The following OLFM2 variants were observed in gnomAD, a reference collection of about 807,000 sequenced individuals.
OLFM2 encodes olfactomedin 2.
OLFM2 carries 20 observed loss-of-function variants against 43.9 expected under a neutral mutation model. The observed-to-expected ratio is 0.46, with a 90% CI of 0.32 to 0.66. The LOEUF is 0.66. OLFM2 is among the 30% of genes least tolerant of loss of function. The probability of loss-of-function intolerance (pLI) is 0.04; values close to 1 mark genes in which losing one functional copy is unlikely to be tolerated. For synonymous variants in OLFM2, 268 were observed against 278.6 expected, an observed-to-expected ratio of 0.96 and a Z score of 0.38; for missense variants, 416 against 643.6, an observed-to-expected ratio of 0.65 and a Z score of 3.83.
At chr19:9,926,578 G>A (rs2086454816) in intron 1 of OLFM2, among the ~76,000 whole-genome samples, 1 of 146,214 alleles carries the variant, frequency 6.8e-6, no homozygotes, top group Admixed American at 6.6e-5. Flanking sequence ...ATAAATAAAT[G>A]ACTAAAGTGA....
chr19:9,913,654 G>A, intron 1 of OLFM2: 1 of 1,198,884 alleles, frequency 8.3e-7, no homozygotes, highest in Non-Finnish European at 1.0e-6. Context: ...CGCCCGCCGC[G>A]CGTCCCTTCT....
At chr19:9,887,678 T>C (rs1411385034) in intron 1 of OLFM2, among the ~76,000 whole-genome samples, 1 of 151,950 alleles carries the variant, frequency 6.6e-6, no homozygotes, top group Admixed American at 6.6e-5. Flanking sequence ...AGAGCACCTG[T>C]GAACACATGA....
intron 1 of OLFM2, among the ~76,000 whole-genome samples, chr19:9,865,270 T>C (rs1327302273): frequency 6.6e-6 from 1 of 151,288 alleles, no homozygotes; most frequent in African/African-American, 2.4e-5. Flanking sequence ...GCTTAAATAG[T>C]GATTCCTCCC....
chr19:9,913,592 C>T, intron 1 of OLFM2: 1 of 1,305,980 alleles, frequency 7.7e-7, no homozygotes, highest in South Asian at 1.8e-5. Context: ...CAGCACGGCC[C>T]CGATCTTGAG....
intron 1 of OLFM2, among the ~76,000 whole-genome samples, chr19:9,888,073 C>T (rs1397198896): frequency 6.6e-6 from 1 of 152,100 alleles, no homozygotes; most frequent in African/African-American, 2.4e-5. Context: ...CACTTCCTTC[C>T]ACTCTCCCTC....
At chr19:9,865,494 T>C (rs1193766823) in intron 1 of OLFM2, among the ~76,000 whole-genome samples, 1 of 131,262 alleles carries the variant, frequency 7.6e-6, no homozygotes, top group Admixed American at 7.5e-5. Flanking sequence ...TCTTTTTTTT[T>C]TTTTTTTTTT....
intron 1 of OLFM2, among the ~76,000 whole-genome samples, chr19:9,919,978 T>G (rs1223663406): frequency 6.7e-6 from 1 of 150,112 alleles, no homozygotes; most frequent in East Asian, 2.0e-4. Flanking sequence ...TATTTTTTTT[T>G]TTTTTTAGTA....
chr19:9,924,680 T>C (rs1181518879), intron 1 of OLFM2, among the ~76,000 whole-genome samples: 1 of 152,114 alleles, frequency 6.6e-6, no homozygotes, highest in African/African-American at 2.4e-5. Flanking sequence ...GCCAAGCTTT[T>C]CATATTTTTG....
intron 1 of OLFM2, among the ~76,000 whole-genome samples, chr19:9,883,575 G>A (rs1185200172): frequency 6.6e-6 from 1 of 152,122 alleles, no homozygotes; most frequent in African/African-American, 2.4e-5. Flanking sequence ...AGGGCTGGGA[G>A]TGGAGCCAGA....
At chr19:9,894,138 C>T (rs1361692002) in intron 1 of OLFM2, among the ~76,000 whole-genome samples, 4 of 151,952 alleles carry the variant, frequency 2.6e-5, no homozygotes, top group African/African-American at 9.7e-5. Context: ...ACTAAAAATA[C>T]AAAAATTAGC....
At chr19:9,886,492 C>T (rs2046588106) in intron 1 of OLFM2, among the ~76,000 whole-genome samples, 1 of 151,894 alleles carries the variant, frequency 6.6e-6, no homozygotes, top group Non-Finnish European at 1.5e-5. Context: ...CCGCACTGGG[C>T]CCTAAGAGGG....
intron 1 of OLFM2, among the ~76,000 whole-genome samples, chr19:9,877,080 T>A (rs12973323): frequency 0.92 from 140,001 of 151,620 alleles, 65,353 homozygotes; most frequent in Non-Finnish European, 1. Flanking sequence ...AAATACAAAA[T>A]TTAGCTGGGC....
Position 9,857,073 on chromosome 19 carries a change from G to A in OLFM2, c.581-160C>T, listed in dbSNP as rs1044748939. ...ATATGTTGTTCAGTTGTGAGTGAGG[G>A]GTTAGAGGCCAAGGGTCAGGGCCAT... On this transcript the variant is annotated intron_variant, in intron 4 of 5. Coordinates refer to ENST00000264833, the MANE Select transcript of OLFM2 (RefSeq NM_058164.4). This position sits in a 1 kb window ranked among gnomAD's most constrained non-coding sequence, Gnocchi z 5.7. 13 of 804,242 alleles carry A rather than the reference G, an allele frequency of 1.6e-5. No homozygotes were observed. The highest frequency in any genetic ancestry group is 2.5e-5 in the Non-Finnish European group (12 of 487,330). 49.8% of individuals were successfully genotyped at this position (804,242 alleles called of 1,614,324 possible).
At chr19:9,932,403 C>T (rs574428008) in intron 1 of OLFM2, among the ~76,000 whole-genome samples, 29 of 148,370 alleles carry the variant, frequency 2.0e-4, no homozygotes, top group African/African-American at 6.2e-4. Flanking sequence ...TGCAGTGAGC[C>T]GAGATTGCGC....
chr19:9,913,751 CA>C (rs1475498952), intron 1 of OLFM2: 3 of 884,574 alleles, frequency 3.4e-6, no homozygotes, highest in East Asian at 1.9e-4. Context: ...AGCTGCGGGG[CA>C]GGGGGTCCGG....
rs1307561746 is a variant in OLFM2, at chr19:9,854,750, C to T, written c.801G>A (p.Ala267=). The change falls in exon 6 of 6, where the codon GCG becomes GCA. Residue 267 remains alanine (A), a synonymous_variant. Transcript: ENST00000264833. This position sits in a 1 kb window ranked among gnomAD's most constrained non-coding sequence, Gnocchi z 9.5. ...FIQHLLPQPW[A]GTGHVVYNGS... ...CGTTGTACACCACGTGGCCCGTGCC[C>T]GCCCACGGCTGGGGCAGCAGGTGCT... 15 of 1,613,684 alleles carry T rather than the reference C, an allele frequency of 9.3e-6. No individual in the cohort carries two copies. Among genetic ancestry groups the T allele is most frequent in the African/African-American group, 2.7e-5 (2 of 74,928 alleles).
intron 1 of OLFM2, among the ~76,000 whole-genome samples, chr19:9,911,455 C>A (rs1412237941): frequency 6.6e-6 from 1 of 152,028 alleles, no homozygotes; most frequent in African/African-American, 2.4e-5. Flanking sequence ...TACGAATGGG[C>A]CAGAGTGGAG....
Position 9,866,314 on chromosome 19 carries a change from T to C in OLFM2, c.64-5520A>G, listed in dbSNP as rs573141156. 2.6e-5 allele frequency among the ~76,000 whole-genome samples: 4 copies of C among 152,162 alleles called. No individual in the cohort carries two copies. In the East Asian group the frequency reaches 7.7e-4, roughly 29 times the overall value. ...CTAGCTCTCCCAGACTGGGTCTAGC[T>C]TGGAAACAAAGTCAAGAGTTCTTGG... is the stretch of plus-strand genomic sequence containing the variant. On this transcript the variant is annotated intron_variant, in intron 1 of 5. Transcript: ENST00000264833.
At chr19:9,907,724 C>T (rs2046796181) in intron 1 of OLFM2, among the ~76,000 whole-genome samples, 1 of 152,058 alleles carries the variant, frequency 6.6e-6, no homozygotes. Context: ...CAGATATAGG[C>T]CGGGCATGGT....
Sources: gnomAD v4.1 joint callset for allele counts (sites outside exome capture counted in the v4.1 genomes callset) on GRCh38, gnomAD v4.1.1 for gene constraint, Gnocchi (gnomAD v3.1) non-coding constraint, MANE v1.5 for transcripts, NCBI Gene and HGNC (gene_info 2026-07-23, HGNC 2026-07-21) for gene names.